The following ZSWIM5 variants were observed in gnomAD, a reference collection of about 807,000 sequenced individuals.
ZSWIM5 encodes the protein zinc finger SWIM-type containing 5, also known as zinc finger SWIM domain-containing protein 5.
Under a neutral mutation model 119.6 loss-of-function variants are expected in ZSWIM5, and 55 were observed. That is an observed-to-expected ratio of 0.46 (90% confidence interval 0.37 to 0.58). The LOEUF is 0.58. Ranked by LOEUF, ZSWIM5 falls within the 20% of genes least tolerant of loss-of-function variation. ZSWIM5 has a pLI of 0.00. For synonymous variants in ZSWIM5, 537 were observed against 606.9 expected, an observed-to-expected ratio of 0.88 and a Z score of 1.69; for missense variants, 1,193 against 1,512.8, an observed-to-expected ratio of 0.79 and a Z score of 3.51.
intron 1 of ZSWIM5, among the ~76,000 whole-genome samples, chr1:45,092,131 T>C (rs1432331450): frequency 2.6e-5 from 4 of 152,350 alleles, no homozygotes; most frequent in South Asian, 4.1e-4. Context: ...AGTTATTTAA[T>C]AAATGGTGGC....
intron 1 of ZSWIM5, among the ~76,000 whole-genome samples, chr1:45,190,287 T>G (rs1333267180): frequency 6.6e-6 from 1 of 152,098 alleles, no homozygotes; most frequent in Non-Finnish European, 1.5e-5. Flanking sequence ...ATCATACCAC[T>G]GTATTCCAGC....
chr1:45,055,168 T>A (rs1054093938), intron 4 of ZSWIM5, among the ~76,000 whole-genome samples: 1 of 152,134 alleles, frequency 6.6e-6, no homozygotes, highest in East Asian at 1.9e-4. Flanking sequence ...TTTTTTGTAT[T>A]TTTAGTAGAG....
At chr1:45,125,229 C>A (rs182394220) in intron 1 of ZSWIM5, among the ~76,000 whole-genome samples, 26 of 152,168 alleles carry the variant, frequency 1.7e-4, no homozygotes, top group African/African-American at 2.4e-5. Flanking sequence ...GAAAATAATA[C>A]AGAGTGTGTT....
At chr1:45,100,084 A>G (rs946567851) in intron 1 of ZSWIM5, among the ~76,000 whole-genome samples, 4 of 152,230 alleles carry the variant, frequency 2.6e-5, no homozygotes, top group African/African-American at 9.6e-5. Context: ...AGGGTATCCA[A>G]TTAGGAAAAG....
At chr1:45,164,485 G>T (rs528626638) in intron 1 of ZSWIM5, among the ~76,000 whole-genome samples, 6 of 152,086 alleles carry the variant, frequency 3.9e-5, no homozygotes, top group East Asian at 1.9e-4. Flanking sequence ...AACATTAAAT[G>T]TAAATGGGCT....
In ZSWIM5 at chr1:45,038,968, C is replaced by T. The variant is rs200927611; in HGVS notation, c.1862G>A (p.Arg621His). 8.1e-5 allele frequency: 131 copies of T among 1,613,824 alleles called. No individual in the cohort carries two copies. The highest frequency in any genetic ancestry group is 9.9e-5 in the South Asian group (9 of 91,064). ...CLFLTLTEAC[R>H]LNDDGYLEMS... ...CTCCAGATAGCCATCATCATTCAGG[C>T]GGCAGGCCTCAGTCAAAGTGAGAAA... The change falls in exon 8 of 14, where the codon CGC (arginine) becomes CAC (histidine). Residue 621 changes from arginine to histidine, a missense_variant. Coordinates refer to ENST00000359600, the MANE Select transcript of ZSWIM5 (RefSeq NM_020883.2).
At position 45,018,313 on chromosome 1, in the gene ZSWIM5, C is replaced by G. The variant is rs1007465795; in HGVS notation, c.*141G>C. 9.5e-7 allele frequency: 1 copy of G among 1,049,690 alleles called. No homozygotes were observed. Among genetic ancestry groups the G allele is most frequent in the Admixed American group, 2.8e-5 (1 of 36,144 alleles). 65.0% of individuals were successfully genotyped at this position (1,049,690 alleles called of 1,614,324 possible). A position where few individuals can be genotyped will look rare whatever the true frequency, so the allele number is the denominator to read the frequency against. On this transcript the variant is annotated 3_prime_UTR_variant, in exon 14 of 14. Coordinates refer to ENST00000359600, the MANE Select transcript of ZSWIM5 (RefSeq NM_020883.2). This position sits in a 1 kb window ranked among gnomAD's most constrained non-coding sequence, Gnocchi z 6.7. ...ATTATCGACTAGAGCTGGACTTTCC[C>G]CATCCTTAGCCCTGTGGTCCTTTGG...
In ZSWIM5 at chr1:45,169,625, C is replaced by G. The variant is rs530849567; in HGVS notation, c.595+36131G>C. ...TAATATATTTCATCATGTCACTTTT[C>G]TATTCAGGTACCTCCAACAGTTGCC... On this transcript the variant is annotated intron_variant, in intron 1 of 13. Coordinates refer to ENST00000359600, the MANE Select transcript of ZSWIM5 (RefSeq NM_020883.2). Among the ~76,000 whole-genome samples, 3 of 152,154 alleles carry G rather than the reference C, an allele frequency of 2.0e-5. No homozygotes were observed. The South Asian group carries it at 6.2e-4, about 32-fold the overall frequency.
intron 2 of ZSWIM5, among the ~76,000 whole-genome samples, chr1:45,074,762 G>C (rs139190016): frequency 6.6e-6 from 1 of 151,332 alleles, no homozygotes; most frequent in Non-Finnish European, 1.5e-5. Context: ...TTAAATTTGG[G>C]TTTGGTTTGC....
chr1:45,116,615 A>G (rs1645559685), intron 1 of ZSWIM5, among the ~76,000 whole-genome samples: 1 of 152,220 alleles, frequency 6.6e-6, no homozygotes, highest in Non-Finnish European at 1.5e-5. Flanking sequence ...CCAGAGAACA[A>G]CTGAAGGCAG....
chr1:45,161,241 T>C (rs1291906497), intron 1 of ZSWIM5, among the ~76,000 whole-genome samples: 4 of 152,140 alleles, frequency 2.6e-5, no homozygotes, highest in Non-Finnish European at 5.9e-5. Context: ...CCCTTTGACA[T>C]AGAGATTTAT....
At chr1:45,182,019 T>A (rs1468814839) in intron 1 of ZSWIM5, among the ~76,000 whole-genome samples, 3 of 151,386 alleles carry the variant, frequency 2.0e-5, no homozygotes, top group African/African-American at 7.3e-5. Context: ...AGAAGCTGCA[T>A]CAACTAATGA....
intron 1 of ZSWIM5, among the ~76,000 whole-genome samples, chr1:45,176,362 C>T (rs1038613081): frequency 6.6e-5 from 10 of 151,942 alleles, no homozygotes; most frequent in African/African-American, 2.4e-4. Flanking sequence ...CTCCTGGGTT[C>T]AAGCGATTCT....
chr1:45,124,546 G>GCAAA, intron 1 of ZSWIM5, among the ~76,000 whole-genome samples: 2 of 151,662 alleles, frequency 1.3e-5, no homozygotes, highest in South Asian at 4.2e-4. Flanking sequence ...AAAAAGAAAG[G>GCAAA]CAAAAGAAAA....
At chr1:45,044,768 T>TAAAA (rs1645039989) in intron 5 of ZSWIM5, among the ~76,000 whole-genome samples, 1 of 2,894 alleles carries the variant, frequency 3.5e-4, no homozygotes, top group African/African-American at 1.0e-3. Flanking sequence ...TATATATATA[T>TAAAA]ATATATAAAT....
Position 45,165,896 on chromosome 1 carries a change from G to A in ZSWIM5, c.595+39860C>T, listed in dbSNP as rs1645898925. On this transcript the variant is annotated intron_variant, in intron 1 of 13. Coordinates refer to ENST00000359600, the MANE Select transcript of ZSWIM5 (RefSeq NM_020883.2). Reference sequence around the variant, plus strand: ...CGAATTCTATCAGAGGTACAATGAGGAGCTGGTACCATTCCTTCTGAAACT... The same window carrying A: ...CGAATTCTATCAGAGGTACAATGAGAAGCTGGTACCATTCCTTCTGAAACT... Among the ~76,000 whole-genome samples, 3 of 152,060 alleles carry A rather than the reference G, an allele frequency of 2.0e-5. No homozygotes were observed. In the South Asian group the frequency reaches 6.2e-4, roughly 32 times the overall value.
At chr1:45,065,780 G>A (rs1269427913) in intron 2 of ZSWIM5, among the ~76,000 whole-genome samples, 2 of 152,164 alleles carry the variant, frequency 1.3e-5, no homozygotes, top group East Asian at 3.8e-4. Context: ...GAGTTGGTGT[G>A]ATTGCTGAGG....
At chr1:45,186,307 C>T (rs1457046503) in intron 1 of ZSWIM5, among the ~76,000 whole-genome samples, 1 of 149,494 alleles carries the variant, frequency 6.7e-6, no homozygotes, top group Non-Finnish European at 1.5e-5. Context: ...TGCTAAATGA[C>T]GAGTTAATGG....
chr1:45,032,303 A>C (rs1334653627), intron 11 of ZSWIM5, among the ~76,000 whole-genome samples: 2 of 151,354 alleles, frequency 1.3e-5, no homozygotes, highest in East Asian at 3.9e-4. Context: ...TAATTTTTAA[A>C]ATTTTTTGTA....
Sources: gnomAD v4.1 joint callset for allele counts (sites outside exome capture counted in the v4.1 genomes callset) on GRCh38, gnomAD v4.1.1 for gene constraint, Gnocchi (gnomAD v3.1) non-coding constraint, MANE v1.5 for transcripts, NCBI Gene and HGNC (gene_info 2026-07-23, HGNC 2026-07-21) for gene names.